Variants in ADGRL2 observed in about 807,000 individuals in gnomAD.
ADGRL2 encodes the protein adhesion G protein-coupled receptor L2.
A neutral mutation model predicts 157.4 loss-of-function variants in ADGRL2; 44 were observed. The ratio of observed to expected loss-of-function variants is 0.28; its 90% CI spans 0.22 to 0.36. The LOEUF (loss-of-function observed/expected upper bound fraction) is 0.36. Ranked by LOEUF, ADGRL2 falls within the 10% of genes least tolerant of loss-of-function variation. The pLI is 1.00. For missense variants in ADGRL2, 1,510 were observed against 1,768.9 expected (o/e 0.85, Z 2.63); for synonymous variants, 585 against 624.7 (o/e 0.94, Z 0.95).
At chr1:81,532,127 T>G (rs1380025603) in intron 2 of ADGRL2, among the ~76,000 whole-genome samples, 3 of 152,222 alleles carry the variant, frequency 2.0e-5, no homozygotes, top group Non-Finnish European at 4.4e-5. Flanking sequence ...AAAATGGGAA[T>G]ATGAATAACT....
intron 11 of ADGRL2, among the ~76,000 whole-genome samples, chr1:81,961,757 G>T (rs1655479266): frequency 1.3e-5 from 2 of 152,000 alleles, no homozygotes; most frequent in South Asian, 4.1e-4. Flanking sequence ...TGATCCGCCT[G>T]CCTCAGCCTC....
Position 81,844,065 on chromosome 1 carries a change from C to T in ADGRL2, c.73+7008C>T, listed in dbSNP as rs565483355. 1.6e-4 allele frequency among the ~76,000 whole-genome samples: 25 copies of T among 152,146 alleles called. No individual in the cohort carries two copies. The South Asian group carries it at 2.3e-3, about 14-fold the overall frequency. ...ATTATATTGCGTGGCTGTTTAATTT[C>T]GGTAAACCTCCATTTTCTGACAGAA... is the stretch of plus-strand genomic sequence containing the variant. On this transcript the variant is annotated intron_variant, in intron 2 of 23. Transcript: ENST00000686636.
At chr1:81,339,991 T>G (rs1390176429) in intron 1 of ADGRL2, among the ~76,000 whole-genome samples, 2 of 152,200 alleles carry the variant, frequency 1.3e-5, no homozygotes, top group African/African-American at 2.4e-5. Context: ...CCTTAAGAGA[T>G]TCTCAAAAAG....
At chr1:81,406,083 T>G (rs72939062) in intron 1 of ADGRL2, among the ~76,000 whole-genome samples, 1,823 of 152,308 alleles carry the variant, frequency 0.012, 29 homozygotes, top group African/African-American at 0.033. Flanking sequence ...ATTTTGAATA[T>G]TGCTCTCTTT....
intron 1 of ADGRL2, among the ~76,000 whole-genome samples, chr1:81,330,070 CT>C (rs1661170418): frequency 6.6e-6 from 1 of 152,044 alleles, no homozygotes; most frequent in African/African-American, 2.4e-5. Context: ...ATCCAAGAGG[CT>C]TTTTCATTTC....
At chr1:81,440,700 T>G (rs2077492115) in intron 1 of ADGRL2, among the ~76,000 whole-genome samples, 1 of 152,124 alleles carries the variant, frequency 6.6e-6, no homozygotes, top group South Asian at 2.1e-4. Context: ...ATCAAACTAG[T>G]TCTTTCTTTT....
chr1:81,788,196 G>GAGTA (rs2087150073), intron 2 of ADGRL2, among the ~76,000 whole-genome samples: 1 of 151,944 alleles, frequency 6.6e-6, no homozygotes, highest in African/African-American at 2.4e-5. Context: ...AGAATACAGG[G>GAGTA]AGTAAGAAAG....
intron 2 of ADGRL2, among the ~76,000 whole-genome samples, chr1:81,476,171 G>GAA (rs1286999071): frequency 6.6e-6 from 1 of 151,172 alleles, no homozygotes; most frequent in Non-Finnish European, 1.5e-5. Flanking sequence ...GACAGAGAGA[G>GAA]AAAGAAAAAG....
rs367949087 is a variant in ADGRL2, at chr1:81,792,294, C to A, written c.-101+30442C>A. 1.2e-3 allele frequency among the ~76,000 whole-genome samples: 185 copies of A among 152,264 alleles called. 2 individuals are homozygous for A. Among genetic ancestry groups the A allele is most frequent in the African/African-American group, 4.3e-3 (180 of 41,554 alleles). On this transcript the variant is annotated intron_variant, in intron 2 of 20. Coordinates refer to the ADGRL2 transcript ENST00000359929. The stretch of plus-strand genomic sequence containing the variant: ...TTGTGCCAAATGTAGCACAAATGGC[C>A]TTCTAACAGGGGTCCTATGCAAACA...
At chr1:81,469,426 G>T (rs1283536548) in intron 2 of ADGRL2, among the ~76,000 whole-genome samples, 3 of 152,102 alleles carry the variant, frequency 2.0e-5, no homozygotes, top group Non-Finnish European at 2.9e-5. Context: ...GTCGCTTACA[G>T]ACTCACATCC....
rs931002638 is a variant in ADGRL2, at chr1:81,602,775, G to C, written c.-143+21795G>C. 2.1e-4 allele frequency among the ~76,000 whole-genome samples: 31 copies of C among 150,832 alleles called. 1 individual carries two copies. The highest frequency in any genetic ancestry group is 2.0e-3 in the Admixed American group (30 of 15,066). The stretch of plus-strand genomic sequence containing the variant: ...TAGCCAGACGAGATGGCATGCACCT[G>C]TAATCCCAGCTACTCGGGGGGCTGA... On this transcript the variant is annotated intron_variant, in intron 3 of 24. Transcript: ENST00000370721.
intron 2 of ADGRL2, among the ~76,000 whole-genome samples, chr1:81,483,045 G>A (rs1055094958): frequency 2.0e-5 from 3 of 151,922 alleles, no homozygotes; most frequent in Non-Finnish European, 4.4e-5. Context: ...ACATGCTATA[G>A]AAAGTTGACA....
At chr1:81,537,638 T>G (rs115783079) in intron 2 of ADGRL2, among the ~76,000 whole-genome samples, 2,450 of 152,214 alleles carry the variant, frequency 0.016, 69 homozygotes, top group African/African-American at 0.056. Flanking sequence ...AGTACTGCTA[T>G]TTTTCCAATT....
At chr1:81,465,909 A>G (rs918049831) in intron 2 of ADGRL2, among the ~76,000 whole-genome samples, 7 of 152,244 alleles carry the variant, frequency 4.6e-5, no homozygotes, top group Admixed American at 2.6e-4. Context: ...GAAATGTGCC[A>G]GACACTGGGC....
In ADGRL2 at chr1:81,975,975, A is replaced by G. The variant is rs140727423; in HGVS notation, c.3022-3894A>G. ...AGATTGCAGCAACAATATTTATTCT[A>G]TCAAACTAAAATTTAGCATTACATT... On this transcript the variant is annotated intron_variant, in intron 17 of 23. Coordinates refer to ENST00000686636, the MANE Select transcript of ADGRL2 (RefSeq NM_001366006.2). Among the ~76,000 whole-genome samples the G allele has an allele frequency of 1.8e-3, 280 of 152,216 alleles. 2 individuals carry two copies. Among genetic ancestry groups the G allele is most frequent in the African/African-American group, 5.9e-3 (245 of 41,574 alleles).
intron 1 of ADGRL2, among the ~76,000 whole-genome samples, chr1:81,715,122 C>A (rs2084066375): frequency 6.6e-6 from 1 of 150,936 alleles, no homozygotes; most frequent in Non-Finnish European, 1.5e-5. Flanking sequence ...CTGCTTCTTG[C>A]TTTGGCTGCT....
intron 1 of ADGRL2, among the ~76,000 whole-genome samples, chr1:81,424,729 T>A (rs1192992781): frequency 6.6e-6 from 1 of 152,242 alleles, no homozygotes; most frequent in Non-Finnish European, 1.5e-5. Context: ...TGACTTTTTT[T>A]AAACCACTTA....
chr1:81,853,238 G>A (rs539804421), intron 2 of ADGRL2, among the ~76,000 whole-genome samples: 4 of 152,244 alleles, frequency 2.6e-5, no homozygotes, highest in Admixed American at 1.3e-4. Flanking sequence ...TCCACTAATC[G>A]AGAGAGTGCC....
chr1:81,548,540 A>C (rs1156317010), intron 2 of ADGRL2, among the ~76,000 whole-genome samples: 1 of 152,014 alleles, frequency 6.6e-6, no homozygotes. Context: ...CAAAAGCTGA[A>C]CAAATATAGA....
Sources: gnomAD v4.1 joint callset for allele counts (sites outside exome capture counted in the v4.1 genomes callset) on GRCh38, gnomAD v4.1.1 for gene constraint, MANE v1.5 for transcripts, NCBI Gene and HGNC (gene_info 2026-07-23, HGNC 2026-07-21) for gene names.